Variants in RUFY2 observed in about 807,000 individuals in gnomAD.
RUFY2 encodes RUN and FYVE domain containing 2.
RUFY2 carries 49 observed loss-of-function variants against 94.4 expected under a neutral mutation model. The observed-to-expected ratio is 0.52, with a 90% CI of 0.41 to 0.66. The LOEUF is 0.66. Ranked by LOEUF, RUFY2 falls within the 30% of genes least tolerant of loss-of-function variation. The pLI is 0.00. For missense variants in RUFY2, 541 were observed against 692.8 expected (o/e 0.78, Z 2.46); for synonymous variants, 255 against 235.7 (o/e 1.08, Z -0.75).
intron 12 of RUFY2, 141 bp from the exon 13 acceptor site, chr10:68,377,113 C>CA (rs2048731457): frequency 6.7e-7 from 1 of 1,497,220 alleles, no homozygotes; most frequent in Middle Eastern, 1.8e-4. Context: ...CTCACAAACT[C>CA]AAACGTGAAA....
rs751534924 is a variant in RUFY2, at chr10:68,381,196, A to C, written c.1107+36T>G. The stretch of plus-strand genomic sequence containing the variant: ...AACCTTTCTACAAATATTCACTTTC[A>C]ATTTACATAAAATGAAATTTAAGAA... On this transcript the variant is annotated intron_variant, in intron 11 of 17. Transcript: ENST00000602465. 2.0e-6 allele frequency: 3 copies of C among 1,519,390 alleles called. No homozygotes were observed. The East Asian group carries it at 7.0e-5, about 35-fold the overall frequency. 94.1% of individuals were successfully genotyped at this position (1,519,390 alleles called of 1,614,324 possible). A position where few individuals can be genotyped will look rare whatever the true frequency, so the allele number is the denominator to read the frequency against.
intron 16 of RUFY2, among the ~76,000 whole-genome samples, chr10:68,346,945 A>G (rs2046316942): frequency 1.3e-5 from 2 of 152,152 alleles, no homozygotes; most frequent in South Asian, 4.1e-4. Context: ...TGGCCTGGGG[A>G]ACAGACTCCA....
intron 16 of RUFY2, among the ~76,000 whole-genome samples, chr10:68,349,336 T>A (rs1048408495): frequency 6.6e-6 from 1 of 151,770 alleles, no homozygotes; most frequent in Admixed American, 6.6e-5. Context: ...GGCAACACAG[T>A]GAGGCCCCCA....
chr10:68,399,888 TCTC>T (rs1332447200), intron 3 of RUFY2, among the ~76,000 whole-genome samples: 4 of 152,000 alleles, frequency 2.6e-5, no homozygotes, highest in Non-Finnish European at 4.4e-5. Context: ...TTCAAGCAAT[TCTC>T]CTGCCTCAGC....
chr10:68,363,538 C>T, intron 15 of RUFY2, 52 bp downstream of exon 15: 1 of 1,206,934 alleles, frequency 8.3e-7, no homozygotes, highest in Non-Finnish European at 1.2e-6. Context: ...CACACTTATA[C>T]CTTTTATAAA....
chr10:68,377,939 A>G, intron 12 of RUFY2: 1 of 985,392 alleles, frequency 1.0e-6, no homozygotes, highest in Non-Finnish European at 1.2e-6. Flanking sequence ...GGAGAGTAAC[A>G]TTTAAGTTAT....
chr10:68,342,469 C>T (rs2046024707), downstream of RUFY2: 1 of 156,098 alleles, frequency 6.4e-6, no homozygotes, highest in Non-Finnish European at 1.4e-5. Flanking sequence ...ATTAGTGTAA[C>T]TTTTTTCTTT....
In RUFY2 at chr10:68,394,046, A is replaced by G. The variant is rs778611803; in HGVS notation, c.584+29T>C. ...TGTAAAGAGCTATATAAAAAACCCAATATGTGAAATAACTTATGAAAATCA... is the reference window on the plus strand; with the variant it reads ...TGTAAAGAGCTATATAAAAAACCCAGTATGTGAAATAACTTATGAAAATCA... On this transcript the variant is annotated intron_variant, in intron 6 of 17. Coordinates refer to ENST00000602465, the MANE Select transcript of RUFY2 (RefSeq NM_001330103.2). 7 of 1,489,208 alleles carry G rather than the reference A, an allele frequency of 4.7e-6. No individual in the cohort carries two copies. The Admixed American group carries it at 1.4e-4, about 31-fold the overall frequency. 92.2% of individuals were successfully genotyped at this position (1,489,208 alleles called of 1,614,324 possible). A position where few individuals can be genotyped will look rare whatever the true frequency, so the allele number is the denominator to read the frequency against.
chr10:68,341,754 T>C, downstream of RUFY2: 5 of 1,596,452 alleles, frequency 3.1e-6, no homozygotes, highest in Non-Finnish European at 4.3e-6. Flanking sequence ...TTTTTCTTTT[T>C]AAAGATAATC....
chr10:68,400,359 T>A (rs896179141), intron 3 of RUFY2, among the ~76,000 whole-genome samples: 1 of 151,174 alleles, frequency 6.6e-6, no homozygotes, highest in Non-Finnish European at 1.5e-5. Flanking sequence ...AAGAGAACAC[T>A]TACATTTTAA....
intron 13 of RUFY2, among the ~76,000 whole-genome samples, chr10:68,374,570 T>G (rs1056760021): frequency 6.6e-6 from 1 of 152,178 alleles, no homozygotes; most frequent in Non-Finnish European, 1.5e-5. Context: ...ACAATTACAG[T>G]TGGATATTTC....
At chr10:68,356,842 C>G (rs528004928) in intron 15 of RUFY2, among the ~76,000 whole-genome samples, 2 of 152,040 alleles carry the variant, frequency 1.3e-5, no homozygotes, top group South Asian at 2.1e-4. Context: ...AGCCACCAAG[C>G]CTGGCATTTT....
chr10:68,407,034 A>T, intron 1 of RUFY2, 152 bp downstream of exon 1: 1 of 1,474,776 alleles, frequency 6.8e-7, no homozygotes, highest in Non-Finnish European at 9.0e-7. Flanking sequence ...GGAGCCCCCG[A>T]GTCCCAGGCA....
chr10:68,388,881 T>C (rs997609132), intron 7 of RUFY2, among the ~76,000 whole-genome samples: 2 of 147,980 alleles, frequency 1.4e-5, no homozygotes, highest in African/African-American at 5.0e-5. Context: ...GAAAAAGCAA[T>C]GAAACACTTT....
chr10:68,379,615 C>T, intron 11 of RUFY2, 94 bp from the exon 12 acceptor site: 2 of 797,788 alleles, frequency 2.5e-6, no homozygotes, highest in South Asian at 1.8e-5. Context: ...TAGGGTATCA[C>T]TATGCAGCCC....
rs902332173 is a variant in RUFY2 at position 68,394,504 on chromosome 10, T to C, written c.399-53A>G. ...TAAATCACAAATTTATTTCAAAAAC[T>C]AAAATTTAAAATCACCATTATCTTC... On this transcript the variant is annotated intron_variant, in intron 4 of 17. Transcript: ENST00000602465. 2.1e-5 allele frequency: 28 copies of C among 1,312,008 alleles called. No homozygotes were observed. The Middle Eastern group carries it at 1.5e-3, about 69-fold the overall frequency. 81.3% of individuals were successfully genotyped at this position (1,312,008 alleles called of 1,614,324 possible). A position where few individuals can be genotyped will look rare whatever the true frequency, so the allele number is the denominator to read the frequency against.
chr10:68,359,450 TAC>T (rs1162663081), intron 15 of RUFY2, among the ~76,000 whole-genome samples: 2 of 140,890 alleles, frequency 1.4e-5, no homozygotes, highest in Non-Finnish European at 3.1e-5. Context: ...TATATAAATA[TAC>T]ATAGTAGTAA....
At position 68,343,512 on chromosome 10, in the gene RUFY2, G is replaced by A. The variant is rs1375650784; in HGVS notation, c.*2256C>T. On this transcript the variant is annotated 3_prime_UTR_variant, in exon 18 of 18. Transcript: ENST00000602465. ...ATGAAACCAAAATTGCCCTTTTAAAGCAGGCTAATTTTCCAAATATTTATT... is the reference window on the plus strand; with the variant it reads ...ATGAAACCAAAATTGCCCTTTTAAAACAGGCTAATTTTCCAAATATTTATT... 1 of 152,458 alleles carries A rather than the reference G, an allele frequency of 6.6e-6. No individual in the cohort carries two copies. Among genetic ancestry groups the A allele is most frequent in the African/African-American group, 2.4e-5 (1 of 41,398 alleles). The allele number at this position is 152,458 out of a possible 1,614,324, so 9.4% of individuals were successfully genotyped here.
intron 16 of RUFY2, among the ~76,000 whole-genome samples, chr10:68,350,032 T>G (rs1322691092): frequency 6.6e-6 from 1 of 150,776 alleles, no homozygotes; most frequent in Admixed American, 6.6e-5. Flanking sequence ...ATTATTTAGA[T>G]GGAGTCTCGC....
Sources: gnomAD v4.1 joint callset for allele counts (sites outside exome capture counted in the v4.1 genomes callset) on GRCh38, gnomAD v4.1.1 for gene constraint, MANE v1.5 for transcripts, NCBI Gene and HGNC (gene_info 2026-07-23, HGNC 2026-07-21) for gene names.